ERG: variants seen among roughly 807,000 people sequenced by gnomAD.
The protein encoded by ERG is transcriptional regulator ERG.
Under a neutral mutation model 55.3 loss-of-function variants are expected in ERG, and 9 were observed. That is an observed-to-expected ratio of 0.16 (90% confidence interval 0.10 to 0.28). The LOEUF is 0.28. Among genes scored for constraint, ERG ranks in the 10% least tolerant of loss-of-function variants. The pLI, the probability that ERG is intolerant of heterozygous loss-of-function variation, is 1.00. For missense variants in ERG, 434 were observed against 631.6 expected (o/e 0.69, Z 3.35); for synonymous variants, 223 against 237.3 (o/e 0.94, Z 0.55).
At chr21:38,536,033 A>G (rs769605163) in intron 2 of ERG, among the ~76,000 whole-genome samples, 1 of 152,098 alleles carries the variant, frequency 6.6e-6, no homozygotes, top group African/African-American at 2.4e-5. Flanking sequence ...GGGTTATTAC[A>G]TCTGACGGCA....
intron 6 of ERG, chr21:38,400,219 T>C: frequency 4.5e-6 from 2 of 443,294 alleles, no homozygotes; most frequent in Non-Finnish European, 8.6e-6. Flanking sequence ...TCACTGTGAA[T>C]CTGGGGAGTG....
At chr21:38,613,265 TCAGA>T (rs1192723753) in intron 1 of ERG, among the ~76,000 whole-genome samples, 2 of 152,214 alleles carry the variant, frequency 1.3e-5, no homozygotes, top group African/African-American at 4.8e-5. Context: ...TGATCTTTAG[TCAGA>T]CATAGTTTTC....
At chr21:38,498,635 ATT>A (rs879584048), upstream of ERG, 110 of 313,424 alleles carry the variant, frequency 3.5e-4, no homozygotes, top group Non-Finnish European at 4.4e-4. The surrounding 1 kb of genome is among the most constrained non-coding windows in gnomAD (Gnocchi z 4.6). Context: ...CAGCCAGGAG[ATT>A]TTTTTTTTTT....
intron 2 of ERG, among the ~76,000 whole-genome samples, chr21:38,554,454 A>T (rs2059845238): frequency 6.6e-6 from 1 of 152,218 alleles, no homozygotes; most frequent in Admixed American, 6.5e-5. Context: ...TAAAGAAAAA[A>T]ATGTGGTACA....
intron 2 of ERG, among the ~76,000 whole-genome samples, chr21:38,437,337 G>A (rs536939451): frequency 2.6e-5 from 4 of 152,102 alleles, no homozygotes; most frequent in Admixed American, 6.5e-5. Context: ...GGACAGGTGG[G>A]GGTGGGGGCT....
chr21:38,514,517 A>G (rs535352591), intron 2 of ERG, among the ~76,000 whole-genome samples: 1 of 152,100 alleles, frequency 6.6e-6, no homozygotes, highest in East Asian at 1.9e-4. Context: ...ACAAAAGAAG[A>G]AAAGCACTTA....
intron 2 of ERG, among the ~76,000 whole-genome samples, chr21:38,567,075 G>C (rs917621811): frequency 2.7e-3 from 53 of 19,684 alleles, no homozygotes; most frequent in Middle Eastern, 0.071. Flanking sequence ...CGCCAGACTG[G>C]GGGGGGGATT....
intron 1 of ERG, among the ~76,000 whole-genome samples, chr21:38,478,786 G>C (rs2836432): frequency 0.11 from 16,042 of 152,248 alleles, 1,096 homozygotes; most frequent in East Asian, 0.26. Flanking sequence ...GCCGTTTTAT[G>C]AGTTCAGTCT....
chr21:38,409,368 A>T (rs1449146447), intron 3 of ERG, among the ~76,000 whole-genome samples: 1 of 152,068 alleles, frequency 6.6e-6, no homozygotes, highest in East Asian at 1.9e-4. Context: ...CTGTAATGCC[A>T]GCTACTCAGG....
intron 2 of ERG, among the ~76,000 whole-genome samples, chr21:38,441,167 G>A (rs562310602): frequency 6.6e-6 from 1 of 152,294 alleles, no homozygotes; most frequent in East Asian, 1.9e-4. Flanking sequence ...AGTACAATGG[G>A]TCACCAGTCA....
rs150012943 is a variant in ERG, at chr21:38,490,420, A to C, written c.18+7943T>G. 1.1e-4 allele frequency among the ~76,000 whole-genome samples: 17 copies of C among 152,304 alleles called. No homozygotes were observed. The East Asian group carries it at 3.1e-3, about 28-fold the overall frequency. ...TTGCGACTTGGTGAATCTCACTATA[A>C]CCCTGTGAAGTAGGAACTATCACTC... On this transcript the variant is annotated intron_variant, in intron 1 of 9. Transcript: ENST00000288319.
rs566687986 is a variant in ERG, at chr21:38,382,161, G to C, written c.*1242C>G. 32 of 1,049,634 alleles carry C rather than the reference G, an allele frequency of 3.0e-5. No homozygotes were observed. In the African/African-American group the frequency reaches 5.2e-4, roughly 17 times the overall value. 65.0% of individuals were successfully genotyped at this position (1,049,634 alleles called of 1,614,324 possible). ...CCACATTATATCGATTGTCTCTTTT[G>C]TCGTGTGTCTTTGGCTGGCCGAGAT... On this transcript the variant is annotated 3_prime_UTR_variant, in exon 10 of 10. Coordinates refer to ENST00000288319, the MANE Select transcript of ERG (RefSeq NM_182918.4).
chr21:38,600,066 G>C lies in ERG; in HGVS notation c.-149-15121C>G, dbSNP rs955627680. ...GCAAAAGAAGTGATCTATAAGGCAC[G>C]AGGTTGGTGACAGGGCCAGGAAGTT... On this transcript the variant is annotated intron_variant, in intron 1 of 10. Transcript: ENST00000398910. Among the ~76,000 whole-genome samples, 4 of 152,320 alleles carry C rather than the reference G, an allele frequency of 2.6e-5. No homozygotes were observed. In the South Asian group the frequency reaches 8.3e-4, roughly 32 times the overall value.
intron 6 of ERG, among the ~76,000 whole-genome samples, chr21:38,398,047 G>C (rs115376250): frequency 1.3e-5 from 2 of 152,168 alleles, no homozygotes; most frequent in Non-Finnish European, 2.9e-5. Flanking sequence ...ATTTGGGTCT[G>C]TATCCCCAAG....
rs143887420 is a variant in ERG, at chr21:38,383,547, C to T, written c.1296G>A (p.Ala432=). Residue 432 remains alanine (A), a synonymous_variant, in exon 10 of 10, where the codon GCG becomes GCA. Transcript: ENST00000288319. This position sits in a 1 kb window ranked among gnomAD's most constrained non-coding sequence, Gnocchi z 5.7. ...TCACGGGGAGGGCTGGAGGGTGGGG[C>T]GCCACAAAGTTCATCTTCTGTGGGT... ...HAHPQKMNFV[A]PHPPALPVTS... The T allele has an allele frequency of 4.7e-5, 75 of 1,585,336 alleles. No homozygotes were observed. The African/African-American group carries it at 6.5e-4, about 14-fold the overall frequency.
At chr21:38,569,423 C>T (rs2059943767) in intron 2 of ERG, among the ~76,000 whole-genome samples, 1 of 152,238 alleles carries the variant, frequency 6.6e-6, no homozygotes, top group Non-Finnish European at 1.5e-5. Context: ...GCAGCTAGAA[C>T]AGCATCAGAC....
chr21:38,502,911 G>C (rs142544341), upstream of ERG, among the ~76,000 whole-genome samples: 1,134 of 152,114 alleles, frequency 7.5e-3, 10 homozygotes, highest in African/African-American at 0.026. Context: ...ATTTTTAGTA[G>C]AGACAGGTTT....
chr21:38,457,545 C>T (rs1443397403), intron 1 of ERG, among the ~76,000 whole-genome samples: 1 of 152,186 alleles, frequency 6.6e-6, no homozygotes, highest in Non-Finnish European at 1.5e-5. Flanking sequence ...TTGACGTGTA[C>T]ACAGAGTCTA....
intron 3 of ERG, among the ~76,000 whole-genome samples, chr21:38,419,018 G>A (rs2836380): frequency 0.046 from 7,034 of 151,440 alleles, 176 homozygotes; most frequent in East Asian, 0.076. Context: ...AAAGAGCCAT[G>A]TAACCAGCAT....
Sources: gnomAD v4.1 joint callset for allele counts (sites outside exome capture counted in the v4.1 genomes callset) on GRCh38, gnomAD v4.1.1 for gene constraint, Gnocchi (gnomAD v3.1) non-coding constraint, MANE v1.5 for transcripts, NCBI Gene and HGNC (gene_info 2026-07-23, HGNC 2026-07-21) for gene names.